SERPINI1: variants seen among roughly 807,000 people sequenced by gnomAD.
The protein encoded by SERPINI1 is neuroserpin.
A neutral mutation model predicts 41.1 loss-of-function variants in SERPINI1; 19 were observed. That is an observed-to-expected ratio of 0.46 (90% CI 0.32 to 0.68). The LOEUF is 0.68. Among genes scored for constraint, SERPINI1 ranks in the 30% least tolerant of loss-of-function variants. SERPINI1 has a pLI of 0.03. For missense variants in SERPINI1, 460 were observed against 479.2 expected (o/e 0.96, Z 0.37); for synonymous variants, 138 against 156.6 (o/e 0.88, Z 0.89).
rs570146404 is a variant in SERPINI1 at position 167,788,691 on chromosome 3, T to C, written c.-18-420T>C. 1.9e-4 allele frequency among the ~76,000 whole-genome samples: 29 copies of C among 152,330 alleles called. 1 individual carries two copies. The South Asian group carries it at 6.0e-3, about 32-fold the overall frequency. ...CCAGCTGCAAGGTGCATTTACTTTA[T>C]AAATGGGTGCAGTGACATTTTCAAA... is the stretch of plus-strand genomic sequence containing the variant. On this transcript the variant is annotated intron_variant, in intron 1 of 8. Transcript: ENST00000446050.
chr3:167,746,506 G>T (rs758842083), intron 1 of SERPINI1, among the ~76,000 whole-genome samples: 21 of 152,242 alleles, frequency 1.4e-4, no homozygotes, highest in Non-Finnish European at 2.9e-4. Context: ...TGCAAATCAG[G>T]CATTTGAGAA....
intron 5 of SERPINI1, among the ~76,000 whole-genome samples, chr3:167,804,383 G>A (rs929381253): frequency 6.6e-6 from 1 of 151,964 alleles, no homozygotes; most frequent in African/African-American, 2.4e-5. Flanking sequence ...TGACTATCAC[G>A]GACTTATCTC....
In SERPINI1 at chr3:167,789,217, C is replaced by T; in HGVS notation, c.89C>T (p.Ser30Leu). ...CCTGAGGAAGCCATTGCTGACTTGTCAGTGAATATGTATAATCGTCTTAGA... is the reference window on the plus strand; with the variant it reads ...CCTGAGGAAGCCATTGCTGACTTGTTAGTGAATATGTATAATCGTCTTAGA... ...TFPEEAIADL[S>L]VNMYNRLRAT... The change falls in exon 2 of 9, where the codon TCA becomes TTA. Residue 30 changes from serine to leucine, a missense_variant. Coordinates refer to ENST00000446050, the MANE Select transcript of SERPINI1 (RefSeq NM_001122752.2). The T allele has an allele frequency of 6.2e-7, 1 of 1,614,106 alleles. No individual in the cohort carries two copies.
intron 5 of SERPINI1, among the ~76,000 whole-genome samples, chr3:167,805,342 T>G (rs1478242947): frequency 6.6e-6 from 1 of 152,230 alleles, no homozygotes; most frequent in African/African-American, 2.4e-5. Flanking sequence ...CATAAATGTC[T>G]TCTTTTGAGA....
At chr3:167,744,779 T>A (rs1725806317) in intron 1 of SERPINI1, among the ~76,000 whole-genome samples, 2 of 112,352 alleles carry the variant, frequency 1.8e-5, no homozygotes, top group African/African-American at 3.6e-5. Context: ...ATATTATATA[T>A]AACTATGGTT....
chr3:167,819,142 T>G (rs1473559117), intron 6 of SERPINI1, among the ~76,000 whole-genome samples: 1 of 152,148 alleles, frequency 6.6e-6, no homozygotes, highest in Non-Finnish European at 1.5e-5. Flanking sequence ...TTTAAATGTT[T>G]TCTTTTTTAT....
At chr3:167,774,407 C>T (rs1726895517) in intron 1 of SERPINI1, among the ~76,000 whole-genome samples, 1 of 152,128 alleles carries the variant, frequency 6.6e-6, no homozygotes, top group South Asian at 2.1e-4. Context: ...AAAAGTGTAT[C>T]TGCATGGCTT....
chr3:167,743,962 A>C (rs1725761388), intron 1 of SERPINI1, among the ~76,000 whole-genome samples: 1 of 152,106 alleles, frequency 6.6e-6, no homozygotes, highest in African/African-American at 2.4e-5. Context: ...TTATTGTAAC[A>C]CAACCATGCC....
chr3:167,818,442 GTTAA>G (rs1712198643), intron 6 of SERPINI1, among the ~76,000 whole-genome samples: 1 of 152,080 alleles, frequency 6.6e-6, no homozygotes. Flanking sequence ...ATCTCATAAA[GTTAA>G]TTAACATTTA....
intron 6 of SERPINI1, among the ~76,000 whole-genome samples, chr3:167,815,598 C>A (rs1712053403): frequency 6.6e-6 from 1 of 152,090 alleles, no homozygotes; most frequent in Non-Finnish European, 1.5e-5. Flanking sequence ...CCATGTGGGC[C>A]AGGCTGCTCT....
intron 5 of SERPINI1, among the ~76,000 whole-genome samples, chr3:167,802,959 G>A (rs1371818800): frequency 2.0e-5 from 3 of 151,288 alleles, no homozygotes; most frequent in Admixed American, 2.0e-4. Flanking sequence ...AAAAAATGAT[G>A]AGTTCATGTC....
chr3:167,750,241 A>G (rs1577398947), intron 1 of SERPINI1, among the ~76,000 whole-genome samples: 1 of 152,172 alleles, frequency 6.6e-6, no homozygotes, highest in African/African-American at 2.4e-5. Flanking sequence ...TTACCCAAAT[A>G]TCTAAAATGA....
chr3:167,764,116 G>T (rs1409625288), intron 1 of SERPINI1, among the ~76,000 whole-genome samples: 1 of 151,936 alleles, frequency 6.6e-6, no homozygotes, highest in East Asian at 1.9e-4. Context: ...TGGCTAAAAA[G>T]TAAGGAACAG....
intron 1 of SERPINI1, among the ~76,000 whole-genome samples, chr3:167,742,530 A>G (rs1469173492): frequency 6.6e-6 from 1 of 152,146 alleles, no homozygotes; most frequent in Non-Finnish European, 1.5e-5. Context: ...AATGAGAAAC[A>G]GTTGTTCCTG....
At chr3:167,804,957 G>T (rs577229422) in intron 5 of SERPINI1, among the ~76,000 whole-genome samples, 1 of 152,194 alleles carries the variant, frequency 6.6e-6, no homozygotes, top group East Asian at 1.9e-4. Flanking sequence ...GACCAATATG[G>T]CTTGCTGTGG....
At chr3:167,755,587 T>C (rs538749984) in intron 1 of SERPINI1, among the ~76,000 whole-genome samples, 2 of 152,278 alleles carry the variant, frequency 1.3e-5, no homozygotes, top group South Asian at 4.1e-4. Flanking sequence ...AAAATGAAGA[T>C]CAAAATCACT....
At chr3:167,759,675 A>G (rs1014604359) in intron 1 of SERPINI1, among the ~76,000 whole-genome samples, 3 of 152,042 alleles carry the variant, frequency 2.0e-5, no homozygotes, top group Non-Finnish European at 4.4e-5. Context: ...GTTGGATACA[A>G]TGTTCACTAT....
chr3:167,793,596 A>ATATATATATATATATTTTTT, intron 4 of SERPINI1, among the ~76,000 whole-genome samples: 5 of 140,604 alleles, frequency 3.6e-5, no homozygotes, highest in African/African-American at 1.4e-4. Flanking sequence ...ATATATATAT[A>ATATATATATATATATTTTTT]TTTTTAATTA....
intron 1 of SERPINI1, among the ~76,000 whole-genome samples, chr3:167,768,822 G>T (rs1726646110): frequency 6.6e-6 from 1 of 152,198 alleles, no homozygotes; most frequent in Non-Finnish European, 1.5e-5. Context: ...GGAATACCAT[G>T]ATCCGCATAG....
Sources: allele counts gnomAD v4.1 joint callset (sites outside exome capture counted in the v4.1 genomes callset), GRCh38; gene constraint gnomAD v4.1.1; transcripts MANE v1.5; gene names NCBI Gene and HGNC (gene_info 2026-07-23, HGNC 2026-07-21).